Variants in MYO18B observed in about 807,000 individuals in gnomAD.
MYO18B encodes unconventional myosin-XVIIIb.
Under a neutral mutation model 273.0 loss-of-function variants are expected in MYO18B, and 204 were observed. That is an observed-to-expected ratio of 0.75 (90% CI 0.67 to 0.84). The LOEUF (loss-of-function observed/expected upper bound fraction) is 0.84, where lower values mean the gene tolerates loss of function less well. Ranked by LOEUF, MYO18B falls within the 40% of genes least tolerant of loss-of-function variation. The pLI, the probability that MYO18B is intolerant of heterozygous loss-of-function variation, is 0.00. For missense variants in MYO18B, 3,212 were observed against 3,287.6 expected (o/e 0.98, Z 0.56); for synonymous variants, 1,330 against 1,305.7 (o/e 1.02, Z -0.40).
intron 11 of MYO18B, among the ~76,000 whole-genome samples, chr22:25,797,410 G>T (rs1366351046): frequency 4.6e-5 from 7 of 152,110 alleles, no homozygotes; most frequent in Non-Finnish European, 1.5e-5. Context: ...CCCTTTGGCT[G>T]TCTTGGGTGG....
intron 10 of MYO18B, among the ~76,000 whole-genome samples, chr22:25,784,875 C>T (rs575292019): frequency 2.0e-4 from 30 of 152,244 alleles, no homozygotes; most frequent in African/African-American, 6.0e-4. Context: ...AGACTGAGGC[C>T]GGGAGAGGTG....
intron 17 of MYO18B, among the ~76,000 whole-genome samples, chr22:25,841,538 G>A (rs1049901937): frequency 3.9e-5 from 6 of 152,150 alleles, no homozygotes; most frequent in African/African-American, 1.4e-4. Context: ...GCCTCATCCT[G>A]CTGTGCCCCA....
intron 16 of MYO18B, among the ~76,000 whole-genome samples, chr22:25,834,143 TTTTTTTTTTTC>T (rs2089813564): frequency 7.0e-6 from 1 of 143,266 alleles, no homozygotes; most frequent in African/African-American, 2.7e-5. Flanking sequence ...CTTCTTCTTC[TTTTTTTTTTTC>T]TTTTTTTTTT....
At chr22:25,825,104 A>G (rs537968699) in intron 13 of MYO18B, among the ~76,000 whole-genome samples, 33 of 152,322 alleles carry the variant, frequency 2.2e-4, no homozygotes, top group Admixed American at 6.5e-4. Context: ...CACAGGCACA[A>G]ACACCACACA....
At chr22:25,835,935 A>T (rs1400554092) in intron 17 of MYO18B, among the ~76,000 whole-genome samples, 1 of 152,208 alleles carries the variant, frequency 6.6e-6, no homozygotes, top group African/African-American at 2.4e-5. Flanking sequence ...GCCATGAAGG[A>T]TTCCAGGCAG....
At chr22:25,876,020 GTGTGTGTGTGTGTGTGTGTGTGTGTA>G (rs2091183056) in intron 23 of MYO18B, among the ~76,000 whole-genome samples, 143 bp from the exon 24 acceptor site, 1 of 142,066 alleles carries the variant, frequency 7.0e-6, no homozygotes, top group African/African-American at 2.8e-5. Flanking sequence ...GTGTGTGTGT[GTGTGTGTGTGTGTGTGTGTGTGTGTA>G]TGTGTTTTAA....
At chr22:25,813,632 A>G (rs1268894965) in intron 12 of MYO18B, among the ~76,000 whole-genome samples, 2 of 152,190 alleles carry the variant, frequency 1.3e-5, no homozygotes, top group Non-Finnish European at 2.9e-5. Flanking sequence ...CAGTGGCTTG[A>G]TTCAGCATGG....
At chr22:26,039,280 G>T in the MYO18B span, among the ~76,000 whole-genome samples, 996 of 152,272 alleles carry the variant, frequency 6.5e-3, 8 homozygotes, top group African/African-American at 0.022. Flanking sequence ...CCGTGATGTG[G>T]TCTCTACCTG....
Position 25,769,069 on chromosome 22 carries a change from G to C in MYO18B, c.1153G>C (p.Ala385Pro), listed in dbSNP as rs752615927. The C allele has an allele frequency of 4.3e-6, 7 of 1,613,026 alleles. No homozygotes were observed. In the South Asian group the frequency reaches 6.6e-5, roughly 15 times the overall value. The change falls in exon 4 of 44, where the codon GCA becomes CCA. Residue 385 changes from alanine (A) to proline (P), a missense_variant. Physicochemically the swap from Ala to Pro is conservative, Grantham distance 27. Coordinates refer to ENST00000335473, the MANE Select transcript of MYO18B (RefSeq NM_032608.7). ...AGELRSTTGK[A>P]GESWDKKEKM... is the part of the protein sequence containing the mutation. ...TGAGCTTCGGAGCACGACTGGGAAG[G>C]CAGGTGAGTCCTGGGATAAGAAGGA...
At chr22:25,858,121 ACCCT>A (rs888765769) in intron 21 of MYO18B, among the ~76,000 whole-genome samples, 3 of 152,326 alleles carry the variant, frequency 2.0e-5, no homozygotes, top group Middle Eastern at 3.4e-3. Flanking sequence ...CACAGTTAGC[ACCCT>A]TATGGAATGA....
At chr22:25,936,760 G>C (rs2092583563) in intron 34 of MYO18B, among the ~76,000 whole-genome samples, 1 of 152,136 alleles carries the variant, frequency 6.6e-6, no homozygotes, top group Admixed American at 6.5e-5. Context: ...TCTCTTCCTG[G>C]CCTACAGACA....
chr22:26,008,041 T>C, intron 42 of MYO18B, among the ~76,000 whole-genome samples: 1 of 152,242 alleles, frequency 6.6e-6, no homozygotes, highest in East Asian at 1.9e-4. Context: ...ACATAAATTA[T>C]ATAATTACAT....
At chr22:25,829,020 G>C (rs1304175195) in intron 15 of MYO18B, 52 bp downstream of exon 15, 4 of 1,580,112 alleles carry the variant, frequency 2.5e-6, no homozygotes, top group Non-Finnish European at 3.5e-6. Flanking sequence ...GATGGTGTAA[G>C]GTCAGATGGG....
chr22:25,758,160 C>A (rs1417546190), intron 1 of MYO18B, among the ~76,000 whole-genome samples: 4 of 152,046 alleles, frequency 2.6e-5, no homozygotes, highest in Non-Finnish European at 5.9e-5. Flanking sequence ...ATTACAGGTG[C>A]CTGCCACCAC....
At chr22:25,929,180 C>T (rs776624433) in intron 34 of MYO18B, among the ~76,000 whole-genome samples, 6 of 109,756 alleles carry the variant, frequency 5.5e-5, no homozygotes, top group African/African-American at 7.8e-5. Flanking sequence ...AAAAAAAAGA[C>T]AGTGATCTCA....
At chr22:25,851,942 A>ACCCTT (rs1377580378) in intron 21 of MYO18B, among the ~76,000 whole-genome samples, 1 of 152,144 alleles carries the variant, frequency 6.6e-6, no homozygotes, top group Non-Finnish European at 1.5e-5. Flanking sequence ...GCCCAGAATG[A>ACCCTT]CCCTTCTGAC....
At chr22:25,854,752 TA>T (rs1295976939) in intron 21 of MYO18B, among the ~76,000 whole-genome samples, 1 of 152,246 alleles carries the variant, frequency 6.6e-6, no homozygotes, top group Non-Finnish European at 1.5e-5. Context: ...ATCATAGAAG[TA>T]GAATCATGCC....
chr22:25,919,673 T>G (rs986146691), intron 33 of MYO18B, among the ~76,000 whole-genome samples: 1 of 124,712 alleles, frequency 8.0e-6, no homozygotes, highest in African/African-American at 3.2e-5. Context: ...AGATTGTGTG[T>G]GTGTATGTGT....
chr22:25,921,471 T>C (rs1353406322), intron 34 of MYO18B, 62 bp downstream of exon 34: 1 of 1,541,638 alleles, frequency 6.5e-7, no homozygotes, highest in Non-Finnish European at 8.8e-7. Context: ...CTGCAGAGAA[T>C]TGCTGTCCCT....
Sources: allele counts gnomAD v4.1 joint callset (sites outside exome capture counted in the v4.1 genomes callset), GRCh38; gene constraint gnomAD v4.1.1; transcripts MANE v1.5; gene names NCBI Gene and HGNC (gene_info 2026-07-23, HGNC 2026-07-21).